The following ARB2A variants were observed in gnomAD, a reference collection of about 807,000 sequenced individuals.
ARB2A encodes the protein ARB2 cotranscriptional regulator A.
At chr5:93,722,905 G>A in the ARB2A span, among the ~76,000 whole-genome samples, 3 of 152,032 alleles carry the variant, frequency 2.0e-5, no homozygotes, top group African/African-American at 7.3e-5. Flanking sequence ...GATTTTAAGC[G>A]TTCCTCTTAC....
chr5:93,861,973 G>C, the ARB2A span: 4 of 152,220 alleles, frequency 2.6e-5, no homozygotes, highest in East Asian at 7.7e-4. Flanking sequence ...ATTCTATTTA[G>C]AAGTAATAGA....
At chr5:93,968,846 T>C in the ARB2A span, among the ~76,000 whole-genome samples, 26 of 151,962 alleles carry the variant, frequency 1.7e-4, no homozygotes, top group South Asian at 4.2e-4. Context: ...AGGATGAGAA[T>C]TACATCGGAC....
At chr5:94,094,255 T>C in the ARB2A span, among the ~76,000 whole-genome samples, 2 of 152,284 alleles carry the variant, frequency 1.3e-5, no homozygotes, top group East Asian at 3.9e-4. Context: ...GCAGGGTTGG[T>C]TGGTTTCTGA....
the ARB2A span, among the ~76,000 whole-genome samples, chr5:93,959,277 G>T: frequency 6.6e-6 from 1 of 151,612 alleles, no homozygotes; most frequent in Admixed American, 6.6e-5. Context: ...TACTTTTTTA[G>T]TGCCTCCTAT....
the ARB2A span, chr5:93,743,578 A>G: frequency 1.0e-6 from 1 of 984,906 alleles, no homozygotes; most frequent in Non-Finnish European, 1.2e-6. Flanking sequence ...AGTATCTGCC[A>G]AACGGAATGA....
chr5:93,854,769 T>A, the ARB2A span, among the ~76,000 whole-genome samples: 1 of 152,192 alleles, frequency 6.6e-6, no homozygotes, highest in Non-Finnish European at 1.5e-5. Flanking sequence ...TGAGCAGTTT[T>A]GAGTGAGTTT....
At chr5:93,971,000 G>A in the ARB2A span, among the ~76,000 whole-genome samples, 4 of 151,554 alleles carry the variant, frequency 2.6e-5, no homozygotes, top group South Asian at 2.1e-4. Flanking sequence ...ATAAACTTTC[G>A]CTTTTTTTTT....
At chr5:94,021,700 T>C in the ARB2A span, among the ~76,000 whole-genome samples, 1 of 152,204 alleles carries the variant, frequency 6.6e-6, no homozygotes, top group Admixed American at 6.5e-5. Flanking sequence ...CCATGAGTGC[T>C]ACCCATGAGT....
the ARB2A span, among the ~76,000 whole-genome samples, chr5:93,836,173 GC>G: frequency 1.3e-5 from 2 of 151,994 alleles, no homozygotes; most frequent in African/African-American, 2.4e-5. Flanking sequence ...GACCACAGGC[GC>G]CCCCCACCAC....
At chr5:93,800,491 T>C in the ARB2A span, among the ~76,000 whole-genome samples, 1 of 152,066 alleles carries the variant, frequency 6.6e-6, no homozygotes, top group African/African-American at 2.4e-5. Context: ...CTGGCATGTT[T>C]AATTAATTAG....
the ARB2A span, among the ~76,000 whole-genome samples, chr5:94,106,298 C>G: frequency 6.6e-6 from 1 of 151,512 alleles, no homozygotes; most frequent in South Asian, 2.1e-4. Context: ...CAAAAAAACC[C>G]ATAAAAAATG....
At chr5:93,796,356 T>C in the ARB2A span, among the ~76,000 whole-genome samples, 4 of 152,304 alleles carry the variant, frequency 2.6e-5, no homozygotes, top group Admixed American at 1.3e-4. Flanking sequence ...GCTGAAATGG[T>C]ATAGCACTAA....
chr5:93,746,586 T>C, the ARB2A span, among the ~76,000 whole-genome samples: 1 of 152,302 alleles, frequency 6.6e-6, no homozygotes, highest in East Asian at 1.9e-4. Flanking sequence ...AATGATGTAA[T>C]TGCTGCTTTG....
the ARB2A span, among the ~76,000 whole-genome samples, chr5:93,952,302 GA>G: frequency 6.6e-6 from 1 of 152,206 alleles, no homozygotes; most frequent in Admixed American, 6.5e-5. Flanking sequence ...CAAACTGGAA[GA>G]ATCACATTAC....
the ARB2A span, among the ~76,000 whole-genome samples, chr5:93,954,801 C>T: frequency 7.9e-5 from 12 of 152,276 alleles, no homozygotes; most frequent in South Asian, 2.5e-3. Context: ...TTGGCTCGTG[C>T]TGTGAGGCTT....
chr5:93,962,347 C>G, the ARB2A span, among the ~76,000 whole-genome samples: 4 of 152,066 alleles, frequency 2.6e-5, no homozygotes, highest in African/African-American at 9.7e-5. Flanking sequence ...CTCCAGAGTT[C>G]TATACAAGTA....
At chr5:93,691,606 A>C in the ARB2A span, among the ~76,000 whole-genome samples, 1 of 152,200 alleles carries the variant, frequency 6.6e-6, no homozygotes, top group African/African-American at 2.4e-5. Flanking sequence ...AACACTCTTC[A>C]GGATATTATC....
At chr5:94,090,108 G>A in the ARB2A span, among the ~76,000 whole-genome samples, 1 of 152,134 alleles carries the variant, frequency 6.6e-6, no homozygotes, top group Non-Finnish European at 1.5e-5. Context: ...ATCAATCTCA[G>A]AAAATGAATT....
chr5:93,987,939 C>T, the ARB2A span, among the ~76,000 whole-genome samples: 4 of 152,128 alleles, frequency 2.6e-5, no homozygotes, highest in Admixed American at 6.5e-5. Flanking sequence ...CATCTGTATA[C>T]GTTCTAAGCT....
Sources: allele counts gnomAD v4.1 joint callset (sites outside exome capture counted in the v4.1 genomes callset), GRCh38; gene constraint gnomAD v4.1.1; transcripts MANE v1.5; gene names NCBI Gene and HGNC (gene_info 2026-07-23, HGNC 2026-07-21).